The following BICD1 variants were observed in gnomAD, a reference collection of about 807,000 sequenced individuals.
The protein encoded by BICD1 is BICD cargo adaptor 1.
BICD1 carries 35 observed loss-of-function variants against 92.5 expected under a neutral mutation model. The observed-to-expected ratio is 0.38, with a 90% CI of 0.29 to 0.50. The LOEUF (loss-of-function observed/expected upper bound fraction) is 0.50, where lower values mean the gene tolerates loss of function less well. BICD1 is among the 20% of genes least tolerant of loss of function. BICD1 has a pLI of 0.93. For missense variants in BICD1, 950 were observed against 1,189.8 expected, an observed-to-expected ratio of 0.80 and a Z score of 2.97; for synonymous variants, 429 against 465.1, an observed-to-expected ratio of 0.92 and a Z score of 1.00.
chr12:32,225,306 C>T (rs996257724), intron 2 of BICD1, among the ~76,000 whole-genome samples: 2 of 152,136 alleles, frequency 1.3e-5, no homozygotes, highest in African/African-American at 4.8e-5. Flanking sequence ...CTTTTTATTG[C>T]TGAGTATTAT....
At chr12:32,295,678 G>C (rs948112624) in intron 3 of BICD1, among the ~76,000 whole-genome samples, 5 of 145,036 alleles carry the variant, frequency 3.4e-5, no homozygotes, top group African/African-American at 1.3e-4. Context: ...TTTTGCGACA[G>C]AGTCTTGCTG....
At chr12:32,189,901 G>A (rs908014288) in intron 1 of BICD1, among the ~76,000 whole-genome samples, 3 of 152,112 alleles carry the variant, frequency 2.0e-5, no homozygotes, top group Non-Finnish European at 4.4e-5. Context: ...GTTTCACCAT[G>A]TTGGCCAGGT....
intron 1 of BICD1, among the ~76,000 whole-genome samples, chr12:32,170,918 A>G (rs1592411211): frequency 6.6e-6 from 1 of 152,192 alleles, no homozygotes; most frequent in Non-Finnish European, 1.5e-5. Context: ...AGAAGCCCTG[A>G]TCTAGCCAAT....
At chr12:32,252,198 T>TATATATTTATTATAAATA (rs1565619739) in intron 2 of BICD1, among the ~76,000 whole-genome samples, 1 of 86,148 alleles carries the variant, frequency 1.2e-5, no homozygotes, top group Non-Finnish European at 2.4e-5. Context: ...TACTATATAT[T>TATATATTTATTATAAATA]TTATATATAT....
At position 32,216,229 on chromosome 12, in the gene BICD1, T is replaced by C; in HGVS notation, c.214-18T>C. On this transcript the variant is annotated intron_variant, in intron 1 of 9. Transcript: ENST00000652176. ...TGCATTTCATTGTGTACTCTTTTTC[T>C]TCCCATATACTCTGCAGGCATTTGG... The C allele has an allele frequency of 6.2e-7, 1 of 1,608,118 alleles. No individual in the cohort carries two copies. The highest frequency in any genetic ancestry group is 8.5e-7 in the Non-Finnish European group (1 of 1,176,560).
At chr12:32,247,207 G>A (rs375053038) in intron 2 of BICD1, among the ~76,000 whole-genome samples, 1 of 147,542 alleles carries the variant, frequency 6.8e-6, no homozygotes, top group African/African-American at 2.6e-5. Context: ...TCTGGGTTTC[G>A]CTCTGGATGA....
At chr12:32,167,466 T>A (rs1444772620) in intron 1 of BICD1, among the ~76,000 whole-genome samples, 1 of 152,106 alleles carries the variant, frequency 6.6e-6, no homozygotes, top group Admixed American at 6.5e-5. Flanking sequence ...CTTTTTTTTT[T>A]AATTTTTGAG....
At chr12:32,123,119 A>G (rs1716938) in intron 1 of BICD1, among the ~76,000 whole-genome samples, 43,643 of 151,854 alleles carry the variant, frequency 0.29, 6,515 homozygotes, top group Admixed American at 0.43. Context: ...CTATGGGGGG[A>G]AAAAACCCTG....
At chr12:32,275,889 A>G (rs1183029818) in intron 2 of BICD1, among the ~76,000 whole-genome samples, 2 of 152,124 alleles carry the variant, frequency 1.3e-5, no homozygotes, top group South Asian at 2.1e-4. Flanking sequence ...ACAGCTTCTA[A>G]TAGCTCATCG....
chr12:32,295,005 C>A (rs1376963339), intron 3 of BICD1, among the ~76,000 whole-genome samples: 1 of 149,542 alleles, frequency 6.7e-6, no homozygotes, highest in Admixed American at 6.7e-5. Flanking sequence ...TTGCTTGAAC[C>A]CAGGATGCGG....
At chr12:32,238,944 CA>C (rs111403291) in intron 2 of BICD1, among the ~76,000 whole-genome samples, 7,855 of 70,372 alleles carry the variant, frequency 0.11, 287 homozygotes, top group East Asian at 0.35. Flanking sequence ...AACTCTGTCT[CA>C]AAAAAAAAAA....
At chr12:32,208,954 C>G (rs1945138138) in intron 1 of BICD1, among the ~76,000 whole-genome samples, 1 of 152,054 alleles carries the variant, frequency 6.6e-6, no homozygotes, top group South Asian at 2.1e-4. Flanking sequence ...CCTGCCTCAG[C>G]CTTCAGAGTA....
intron 2 of BICD1, among the ~76,000 whole-genome samples, chr12:32,237,938 G>A (rs1000145101): frequency 6.6e-6 from 1 of 152,176 alleles, no homozygotes; most frequent in Non-Finnish European, 1.5e-5. Context: ...ATTTTATAAA[G>A]ATATAGCTGC....
intron 1 of BICD1, among the ~76,000 whole-genome samples, chr12:32,216,037 T>C (rs1945350392): frequency 6.6e-6 from 1 of 152,094 alleles, no homozygotes; most frequent in African/African-American, 2.4e-5. Context: ...CATCTTTTTT[T>C]CACAAGATAT....
At chr12:32,127,687 C>G (rs1942391292) in intron 1 of BICD1, among the ~76,000 whole-genome samples, 1 of 151,662 alleles carries the variant, frequency 6.6e-6, no homozygotes, top group Non-Finnish European at 1.5e-5. Context: ...TTGGAAAGCT[C>G]TCAACATTTA....
Position 32,171,988 on chromosome 12 carries a change from C to CACATAT in BICD1, c.214-44257_214-44256insATATAC, listed in dbSNP as rs1555141634. Among the ~76,000 whole-genome samples the CACATAT allele has an allele frequency of 1.8e-4, 24 of 132,536 alleles. No individual in the cohort carries two copies. In the South Asian group the frequency reaches 1.9e-3, roughly 11 times the overall value. 86.9% of individuals were successfully genotyped at this position (132,536 alleles called of 152,430 possible). A position where few individuals can be genotyped will look rare whatever the true frequency, so the allele number is the denominator to read the frequency against. The stretch of plus-strand genomic sequence containing the variant: ...ACACACACACACACACACACACACA[C>CACATAT]ACTAAAACTGCTGACATTGAGCATT... On this transcript the variant is annotated intron_variant, in intron 1 of 9. Transcript: ENST00000652176.
At chr12:32,136,910 G>A (rs1203242514) in intron 1 of BICD1, among the ~76,000 whole-genome samples, 2 of 152,118 alleles carry the variant, frequency 1.3e-5, no homozygotes, top group Non-Finnish European at 2.9e-5. Flanking sequence ...AAATTAAGAA[G>A]GTGATTCTTT....
intron 8 of BICD1, among the ~76,000 whole-genome samples, chr12:32,364,293 G>A (rs979330806): frequency 6.6e-5 from 10 of 152,158 alleles, no homozygotes; most frequent in African/African-American, 1.2e-4. Context: ...CCAAAGCAAC[G>A]AGATGTGGTC....
chr12:32,206,233 A>AC (rs1945052277), intron 1 of BICD1, among the ~76,000 whole-genome samples: 1 of 152,240 alleles, frequency 6.6e-6, no homozygotes, highest in Non-Finnish European at 1.5e-5. Context: ...GTTGGATTGC[A>AC]TGGTAGGAAT....
Sources: allele counts gnomAD v4.1 joint callset (sites outside exome capture counted in the v4.1 genomes callset), GRCh38; gene constraint gnomAD v4.1.1; transcripts MANE v1.5; gene names NCBI Gene and HGNC (gene_info 2026-07-23, HGNC 2026-07-21).